The following DYNC2H1 variants were observed in gnomAD, a reference collection of about 807,000 sequenced individuals.
The protein encoded by DYNC2H1 is cytoplasmic dynein 2 heavy chain 1.
Under a neutral mutation model 570.0 loss-of-function variants are expected in DYNC2H1, and 410 were observed. The ratio of observed to expected loss-of-function variants is 0.72; its 90% CI spans 0.66 to 0.78. The LOEUF (loss-of-function observed/expected upper bound fraction) is 0.78, where lower values mean the gene tolerates loss of function less well. Among genes scored for constraint, DYNC2H1 ranks in the 30% least tolerant of loss-of-function variants. The probability of loss-of-function intolerance (pLI) is 0.00; values close to 1 mark genes in which losing one functional copy is unlikely to be tolerated. For missense variants in DYNC2H1, 4,865 were observed against 5,046.4 expected, an observed-to-expected ratio of 0.96 and a Z score of 1.09; for synonymous variants, 1,688 against 1,677.6, an observed-to-expected ratio of 1.01 and a Z score of -0.15.
At chr11:103,426,013 T>C (rs955937640) in intron 84 of DYNC2H1, among the ~76,000 whole-genome samples, 43 of 152,132 alleles carry the variant, frequency 2.8e-4, no homozygotes, top group Non-Finnish European at 3.1e-4. Flanking sequence ...CTGAAGGTTG[T>C]GGGTTTACCA....
chr11:103,123,200 G>C (rs191898888), intron 11 of DYNC2H1, among the ~76,000 whole-genome samples, 200 bp downstream of exon 11: 1 of 152,016 alleles, frequency 6.6e-6, no homozygotes, highest in African/African-American at 2.4e-5. Context: ...CTTCCCTCTT[G>C]TTTCTCTTGT....
At chr11:103,180,606 T>C (rs1027446682) in intron 39 of DYNC2H1, among the ~76,000 whole-genome samples, 1 of 151,706 alleles carries the variant, frequency 6.6e-6, no homozygotes, top group Non-Finnish European at 1.5e-5. Context: ...CCTTTATTCC[T>C]TTAGCAGATA....
At chr11:103,132,429 T>A (rs1859327277) in intron 13 of DYNC2H1, among the ~76,000 whole-genome samples, 1 of 152,162 alleles carries the variant, frequency 6.6e-6, no homozygotes, top group Non-Finnish European at 1.5e-5. Flanking sequence ...ATTTTTATGA[T>A]GGCTGCCTTA....
Position 103,156,623 on chromosome 11 carries a change from T to C in DYNC2H1, c.3980T>C (p.Ile1327Thr), listed in dbSNP as rs1860839708. ...YYKGFEDKVSIWERKLAELDE... is the reference protein window; with the variant it reads ...YYKGFEDKVSTWERKLAELDE... ...AAAGGATTTGAAGATAAAGTATCAA[T>C]TTGGGAAAGAAAACTTGCAGAGTTA... Residue 1327 changes from isoleucine (I) to threonine (T), a missense_variant, in exon 26 of 89, where the codon ATT (isoleucine) becomes ACT (threonine). By Grantham distance (89) the Ile-to-Thr change is moderately conservative. Around this residue, in one of 5 missense-constraint regions of DYNC2H1, gnomAD observed 1,936 missense variants for 1,962.1 expected, o/e 0.99. Transcript: ENST00000375735. The C allele has an allele frequency of 4.3e-6, 7 of 1,613,586 alleles. No homozygotes were observed. Among genetic ancestry groups the C allele is most frequent in the South Asian group, 2.2e-5 (2 of 91,018 alleles).
intron 61 of DYNC2H1, 37 bp from the exon 62 acceptor site, chr11:103,235,635 C>G (rs745699073): frequency 1.3e-6 from 2 of 1,575,580 alleles, no homozygotes; most frequent in Non-Finnish European, 1.7e-6. Context: ...AGAACATACT[C>G]ATATATCTCC....
chr11:103,237,931 C>T (rs1423615318), intron 63 of DYNC2H1, among the ~76,000 whole-genome samples: 2 of 152,058 alleles, frequency 1.3e-5, no homozygotes, highest in African/African-American at 2.4e-5. Context: ...CTTAAATTTA[C>T]TTTGTATTTA....
At chr11:103,127,359 T>G (rs1859053558) in intron 12 of DYNC2H1, among the ~76,000 whole-genome samples, 2 of 152,164 alleles carry the variant, frequency 1.3e-5, no homozygotes, top group African/African-American at 4.8e-5. Context: ...GAATAGGGTG[T>G]ATAAAGCAGA....
intron 82 of DYNC2H1, among the ~76,000 whole-genome samples, chr11:103,336,978 C>T (rs1417990556): frequency 1.3e-5 from 2 of 152,118 alleles, no homozygotes; most frequent in Non-Finnish European, 2.9e-5. Flanking sequence ...ATCTCTGCAG[C>T]ACTGTGACAT....
At position 103,356,157 on chromosome 11, in the gene DYNC2H1, G is replaced by GA. The variant is rs1591624762; in HGVS notation, c.12040-2080dup. ...TGATACCATTTTAAAGTAGTATTCT[G>GA]AAAAAATTATATTTAACTGGCTTAA... On this transcript the variant is annotated intron_variant, in intron 82 of 88. Coordinates refer to ENST00000375735, the MANE Select transcript of DYNC2H1 (RefSeq NM_001377.3). 5.9e-5 allele frequency among the ~76,000 whole-genome samples: 9 copies of GA among 152,016 alleles called. 1 individual carries two copies.
intron 83 of DYNC2H1, among the ~76,000 whole-genome samples, chr11:103,391,940 G>A (rs955687960): frequency 2.6e-5 from 4 of 152,222 alleles, no homozygotes; most frequent in African/African-American, 7.2e-5. Context: ...GCTACTCGGG[G>A]GTCAGGGACC....
At chr11:103,155,283 A>G in intron 24 of DYNC2H1, 48 bp from the exon 25 acceptor site, 12 of 1,521,186 alleles carry the variant, frequency 7.9e-6, no homozygotes, top group Non-Finnish European at 1.1e-5. Context: ...TTGCTAATAT[A>G]TGTATATGTG....
chr11:103,342,411 A>G (rs139458347), intron 82 of DYNC2H1, among the ~76,000 whole-genome samples: 1 of 152,264 alleles, frequency 6.6e-6, no homozygotes, highest in African/African-American at 2.4e-5. Context: ...AGCCAGCTGC[A>G]GCAAGCTGCT....
At chr11:103,456,605 A>G (rs1325600114) in intron 87 of DYNC2H1, among the ~76,000 whole-genome samples, 1 of 152,196 alleles carries the variant, frequency 6.6e-6, no homozygotes, top group African/African-American at 2.4e-5. Context: ...TTTAGCACAA[A>G]TTTATACAAA....
At chr11:103,246,270 G>C (rs184893753) in intron 65 of DYNC2H1, among the ~76,000 whole-genome samples, 45 of 152,168 alleles carry the variant, frequency 3.0e-4, no homozygotes, top group Admixed American at 1.4e-3. Context: ...CCTTCTGTTG[G>C]GGGTAACTCA....
chr11:103,152,637 C>G (rs537611444), intron 21 of DYNC2H1, among the ~76,000 whole-genome samples: 13 of 152,178 alleles, frequency 8.5e-5, no homozygotes, highest in African/African-American at 3.1e-4. Flanking sequence ...AATGGAGACC[C>G]CAAAAATTGT....
intron 84 of DYNC2H1, among the ~76,000 whole-genome samples, chr11:103,429,506 G>A (rs1177038240): frequency 6.6e-6 from 1 of 151,934 alleles, no homozygotes; most frequent in Non-Finnish European, 1.5e-5. Context: ...TGTACCCATG[G>A]AGCTGAACAA....
Position 103,129,816 on chromosome 11 carries a change from A to G in DYNC2H1, c.1953+811A>G, listed in dbSNP as rs1859183221. ...TTCATAGACATGAAATGTTTGACAA[A>G]AATAAGCAGAAGAGGTATATACCAT... On this transcript the variant is annotated intron_variant, in intron 13 of 88. Transcript: ENST00000375735. This position sits in a 1 kb window ranked among gnomAD's most constrained non-coding sequence, Gnocchi z 4.1. 6.6e-6 allele frequency among the ~76,000 whole-genome samples: 1 copy of G among 152,244 alleles called. No homozygotes were observed. The highest frequency in any genetic ancestry group is 2.4e-5 in the African/African-American group (1 of 41,462).
Position 103,241,499 on chromosome 11 carries a change from C to T in DYNC2H1, c.9820-2194C>T. 6.3e-7 allele frequency: 1 copy of T among 1,589,304 alleles called. No homozygotes were observed. The highest frequency in any genetic ancestry group is 8.6e-7 in the Non-Finnish European group (1 of 1,161,864). ...TGCTAAAAACATTTTGAAATGTTAC[C>T]TTTCTTCTTTTCATTTAACTGCATC... On this transcript the variant is annotated intron_variant, in intron 63 of 88. Coordinates refer to ENST00000375735, the MANE Select transcript of DYNC2H1 (RefSeq NM_001377.3). This position sits in a 1 kb window ranked among gnomAD's most constrained non-coding sequence, Gnocchi z 5.1.
chr11:103,224,662 T>C (rs535100819), intron 59 of DYNC2H1, among the ~76,000 whole-genome samples: 2 of 152,330 alleles, frequency 1.3e-5, no homozygotes, highest in Admixed American at 1.3e-4. Context: ...TGATGGGCAT[T>C]GGGTTGGTTC....
Sources: allele counts gnomAD v4.1 joint callset (sites outside exome capture counted in the v4.1 genomes callset), GRCh38; gene constraint gnomAD v4.1.1; regional missense constraint gnomAD v4.1.1; non-coding constraint Gnocchi (gnomAD v3.1); transcripts MANE v1.5; gene names NCBI Gene and HGNC (gene_info 2026-07-23, HGNC 2026-07-21).